The following RBFOX1 variants were observed in gnomAD, a reference collection of about 807,000 sequenced individuals.
RBFOX1 encodes RNA binding protein fox-1 homolog 1.
A neutral mutation model predicts 57.7 loss-of-function variants in RBFOX1; 8 were observed. The observed-to-expected ratio is 0.14, with a 90% CI of 0.08 to 0.25. The LOEUF (loss-of-function observed/expected upper bound fraction) is 0.25. RBFOX1 is among the 10% of genes least tolerant of loss of function. The pLI, the probability that RBFOX1 is intolerant of heterozygous loss-of-function variation, is 1.00. For missense variants in RBFOX1, 611 were observed against 548.5 expected, an observed-to-expected ratio of 1.11 and a Z score of -1.14; for synonymous variants, 326 against 222.4, an observed-to-expected ratio of 1.47 and a Z score of -4.15.
chr16:5,609,419 G>T (rs1256627505), intron 3 of RBFOX1, among the ~76,000 whole-genome samples: 2 of 152,226 alleles, frequency 1.3e-5, no homozygotes, highest in Non-Finnish European at 2.9e-5. Context: ...TTCCACTCTA[G>T]GGAAAAGTCA....
At chr16:7,304,236 G>C (rs887575061) in intron 4 of RBFOX1, 1 of 983,374 alleles carries the variant, frequency 1.0e-6, no homozygotes, top group Non-Finnish European at 1.2e-6. Flanking sequence ...GAGAGAGAGA[G>C]AGAGAGAGAG....
rs543101766 is a variant in RBFOX1 at position 5,838,950 on chromosome 16, T to C, written c.319-28353T>C. On this transcript the variant is annotated intron_variant, in intron 3 of 19. Coordinates refer to the RBFOX1 transcript ENST00000641259. ...GTGTGCTTCTCAGCTGGAGGAAAAG[T>C]TTGCACCCCAGAGGACATTTGGCAA... 3.9e-3 allele frequency among the ~76,000 whole-genome samples: 591 copies of C among 152,240 alleles called. 4 individuals are homozygous for C. Among genetic ancestry groups the C allele is most frequent in the Middle Eastern group, 0.027 (8 of 294 alleles).
At chr16:5,916,501 A>G (rs1023951211) in intron 4 of RBFOX1, among the ~76,000 whole-genome samples, 1 of 151,834 alleles carries the variant, frequency 6.6e-6, no homozygotes, top group South Asian at 2.1e-4. Context: ...CCTATTCACC[A>G]CTTGTTTTAA....
chr16:6,685,533 G>T (rs994094613), intron 3 of RBFOX1, among the ~76,000 whole-genome samples: 1 of 148,934 alleles, frequency 6.7e-6, no homozygotes, highest in Non-Finnish European at 1.5e-5. Flanking sequence ...GGTGATCCGC[G>T]TTCCTCACTC....
At chr16:7,456,755 C>T (rs539852600) in intron 4 of RBFOX1, among the ~76,000 whole-genome samples, 2 of 152,172 alleles carry the variant, frequency 1.3e-5, no homozygotes, top group South Asian at 2.1e-4. Context: ...TCTGTGCAAG[C>T]AGGCCTGCAG....
intron 4 of RBFOX1, among the ~76,000 whole-genome samples, chr16:7,269,682 C>G (rs1033322930): frequency 6.6e-6 from 1 of 152,132 alleles, no homozygotes; most frequent in Non-Finnish European, 1.5e-5. Flanking sequence ...TTATCTTTCT[C>G]CCTTACTATT....
At chr16:7,408,405 T>C (rs1469151912) in intron 4 of RBFOX1, among the ~76,000 whole-genome samples, 1 of 151,942 alleles carries the variant, frequency 6.6e-6, no homozygotes, top group Non-Finnish European at 1.5e-5. Context: ...CATTCAAAAC[T>C]GTCACTGCAC....
At chr16:6,857,751 G>A (rs1298815280) in intron 3 of RBFOX1, among the ~76,000 whole-genome samples, 1 of 152,208 alleles carries the variant, frequency 6.6e-6, no homozygotes, top group Admixed American at 6.5e-5. Flanking sequence ...AGGGAGAGCA[G>A]TGGAATGCGA....
At chr16:6,070,589 G>A (rs771557210) in intron 1 of RBFOX1, among the ~76,000 whole-genome samples, 4 of 152,134 alleles carry the variant, frequency 2.6e-5, no homozygotes, top group Non-Finnish European at 4.4e-5. Context: ...GCCCGAAGAA[G>A]CAGCTGGCTA....
chr16:7,386,450 C>T (rs6500952), intron 4 of RBFOX1, among the ~76,000 whole-genome samples: 5 of 149,280 alleles, frequency 3.3e-5, no homozygotes, highest in African/African-American at 1.2e-4. Context: ...TCATTGTTCA[C>T]CTCCCACTTA....
chr16:6,575,537 C>G (rs1466771756), intron 2 of RBFOX1, among the ~76,000 whole-genome samples: 3 of 151,932 alleles, frequency 2.0e-5, no homozygotes, highest in East Asian at 3.9e-4. Flanking sequence ...CATGAAAACA[C>G]ATGTGAACCA....
intron 4 of RBFOX1, among the ~76,000 whole-genome samples, chr16:7,350,846 G>T (rs908150105): frequency 5.3e-5 from 8 of 152,170 alleles, no homozygotes; most frequent in Non-Finnish European, 1.0e-4. Flanking sequence ...TGTGCCTGAA[G>T]GTCTGGTATT....
At chr16:7,393,911 T>C (rs2098090844) in intron 4 of RBFOX1, among the ~76,000 whole-genome samples, 1 of 152,136 alleles carries the variant, frequency 6.6e-6, no homozygotes, top group South Asian at 2.1e-4. Flanking sequence ...TTCATCAAGC[T>C]AGGGAGGATG....
intron 4 of RBFOX1, among the ~76,000 whole-genome samples, chr16:5,979,797 G>A (rs576564902): frequency 6.6e-6 from 1 of 152,038 alleles, no homozygotes; most frequent in Non-Finnish European, 1.5e-5. Flanking sequence ...GGGAGGCAGA[G>A]GTTGCAGTGC....
intron 4 of RBFOX1, among the ~76,000 whole-genome samples, chr16:7,200,823 C>G (rs2088190827): frequency 6.6e-6 from 1 of 152,106 alleles, no homozygotes; most frequent in Non-Finnish European, 1.5e-5. Context: ...CACCATAGGC[C>G]CTTTCATGCT....
rs1193417901 is a variant in RBFOX1 at position 7,615,738 on chromosome 16, G to C, written c.676+8400G>C. On this transcript the variant is annotated intron_variant, in intron 10 of 15. Coordinates refer to ENST00000550418, the MANE Select transcript of RBFOX1 (RefSeq NM_018723.4). Reference sequence around the variant, plus strand: ...TGGGTGGTGGTGGGGGCGGGGATTGGGGAGTGTTGTTCACTGCTGACATCT... The same window carrying C: ...TGGGTGGTGGTGGGGGCGGGGATTGCGGAGTGTTGTTCACTGCTGACATCT... Among the ~76,000 whole-genome samples the C allele has an allele frequency of 2.6e-5, 4 of 152,140 alleles. No individual in the cohort carries two copies. In the East Asian group the frequency reaches 7.7e-4, roughly 29 times the overall value.
chr16:5,350,339 G>C (rs1596613549), intron 1 of RBFOX1, among the ~76,000 whole-genome samples: 1 of 152,170 alleles, frequency 6.6e-6, no homozygotes, highest in Non-Finnish European at 1.5e-5. Context: ...TGAATTGTTT[G>C]CTCTGTGGGG....
intron 4 of RBFOX1, among the ~76,000 whole-genome samples, chr16:7,205,553 C>A (rs547396863): frequency 6.6e-6 from 1 of 151,452 alleles, no homozygotes; most frequent in Non-Finnish European, 1.5e-5. Flanking sequence ...AGAAAACTTA[C>A]GGAAATAAAC....
chr16:6,417,314 T>C (rs1453792558), intron 2 of RBFOX1, among the ~76,000 whole-genome samples: 1 of 150,240 alleles, frequency 6.7e-6, no homozygotes, highest in African/African-American at 2.4e-5. Context: ...CCGGCTGAAT[T>C]TTCACCTTTC....
Sources: allele counts gnomAD v4.1 joint callset (sites outside exome capture counted in the v4.1 genomes callset), GRCh38; gene constraint gnomAD v4.1.1; transcripts MANE v1.5; gene names NCBI Gene and HGNC (gene_info 2026-07-23, HGNC 2026-07-21).